DCLRE1C: variants seen among roughly 807,000 people sequenced by gnomAD.
DCLRE1C encodes the protein DNA cross-link repair 1C.
Under a neutral mutation model 61.4 loss-of-function variants are expected in DCLRE1C, and 47 were observed. That is an observed-to-expected ratio of 0.77 (90% confidence interval 0.61 to 0.98). The LOEUF is 0.98. DCLRE1C is among the 50% of genes least tolerant of loss of function. The probability of loss-of-function intolerance (pLI) is 0.00; values close to 1 mark genes in which losing one functional copy is unlikely to be tolerated. For synonymous variants in DCLRE1C, 337 were observed against 287.6 expected (o/e 1.17, Z -1.74); for missense variants, 858 against 816.0 (o/e 1.05, Z -0.63).
chr10:14,909,102 T>A lies in DCLRE1C; in HGVS notation c.1385A>T (p.Glu462Val), dbSNP rs115250914. The A allele has an allele frequency of 1.1e-4, 176 of 1,613,720 alleles. No individual in the cohort carries two copies. In the East Asian group the frequency reaches 1.7e-3, roughly 15 times the overall value. Residue 462 changes from glutamate to valine, a missense_variant, in exon 14 of 14, where the codon GAA (glutamate) becomes GTA (valine). Coordinates refer to ENST00000378278, the MANE Select transcript of DCLRE1C (RefSeq NM_001033855.3). Reference protein sequence around the residue: ...CEESNSESEEEVGIPASLQGD... With the variant: ...CEESNSESEEVVGIPASLQGD... ...TTGCAGTGAAGCTGGGATTCCTACT[T>A]CTTCTTCACTTTCACTGTTGGATTC...
chr10:14,915,598 C>G (rs766897768), intron 13 of DCLRE1C, among the ~76,000 whole-genome samples: 2 of 151,336 alleles, frequency 1.3e-5, no homozygotes, highest in Non-Finnish European at 2.9e-5. Context: ...AAAAAATAAC[C>G]TGAATAGTCC....
chr10:14,899,120 G>A (rs1488798754), exon 14 of DCLRE1C: 4 of 656,620 alleles, frequency 6.1e-6, no homozygotes, highest in Non-Finnish European at 1.1e-5. Context: ...AGGAGTTCCA[G>A]ACCAGTGTGG....
chr10:14,904,203 G>A (rs775828475), downstream of DCLRE1C: 1 of 152,036 alleles, frequency 6.6e-6, no homozygotes, highest in African/African-American at 2.4e-5. Flanking sequence ...TACTCAGGAG[G>A]CTGAGGCAGG....
chr10:14,900,027 G>A (rs1360091600), downstream of DCLRE1C, among the ~76,000 whole-genome samples: 1 of 152,174 alleles, frequency 6.6e-6, no homozygotes, highest in Admixed American at 6.5e-5. Context: ...ACACAGAACT[G>A]TATCTTAATG....
At chr10:14,920,526 C>T in intron 12 of DCLRE1C, 1 of 526,188 alleles carries the variant, frequency 1.9e-6, no homozygotes, top group Non-Finnish European at 2.4e-6. Flanking sequence ...CGTCCTCACC[C>T]CTGTTCCCAC....
chr10:14,899,303 G>C, exon 14 of DCLRE1C: 1 of 697,924 alleles, frequency 1.4e-6, no homozygotes, highest in Non-Finnish European at 2.6e-6. Flanking sequence ...CTGAGTGACA[G>C]AGTGAGACCC....
chr10:14,912,248 T>C (rs1835378871), intron 13 of DCLRE1C, among the ~76,000 whole-genome samples: 1 of 152,026 alleles, frequency 6.6e-6, no homozygotes, highest in African/African-American at 2.4e-5. Context: ...CAGAGACAAG[T>C]TTTCACCATG....
At chr10:14,933,056 C>T in intron 8 of DCLRE1C, 101 bp from the exon 9 acceptor site, 3 of 1,306,128 alleles carry the variant, frequency 2.3e-6, no homozygotes, top group Non-Finnish European at 3.3e-6. Flanking sequence ...AGTGAATTAA[C>T]CCTCTCTTCT....
intron 1 of DCLRE1C, 22 bp downstream of exon 1, chr10:14,953,880 G>T (rs1435812481): frequency 2.5e-6 from 4 of 1,613,462 alleles, no homozygotes; most frequent in Non-Finnish European, 3.4e-6. Flanking sequence ...CCGGGAGCGG[G>T]CGACGCGCAG....
In DCLRE1C at chr10:14,935,499, T is replaced by G. The variant is rs533299054; in HGVS notation, c.428A>C (p.Glu143Ala). 13 of 1,614,058 alleles carry G rather than the reference T, an allele frequency of 8.1e-6. No individual in the cohort carries two copies. The East Asian group carries it at 2.7e-4, about 33-fold the overall frequency. ...GTGCAGAAGCTCCATTCTAGCAGCT[T>G]CTCCTTGCGCCAATCTGAAGTCTCC... is the stretch of plus-strand genomic sequence containing the variant. The part of the protein sequence containing the change: ...YTGDFRLAQG[E>A]AARMELLHSG... The change falls in exon 6 of 14, where the codon GAA becomes GCA. Residue 143 changes from glutamate (E) to alanine (A), a missense_variant. Glu to Ala is a moderately radical substitution (Grantham distance 107). Coordinates refer to ENST00000378278, the MANE Select transcript of DCLRE1C (RefSeq NM_001033855.3).
At chr10:14,913,319 G>T (rs544215013) in intron 13 of DCLRE1C, among the ~76,000 whole-genome samples, 2 of 152,232 alleles carry the variant, frequency 1.3e-5, no homozygotes, top group African/African-American at 4.8e-5. Flanking sequence ...AGATAGTGGG[G>T]ATGATTGTAC....
Position 14,908,362 on chromosome 10 carries a change from G to T in DCLRE1C, c.*46C>A, listed in dbSNP as rs1411636920. On this transcript the variant is annotated 3_prime_UTR_variant, in exon 14 of 14. Coordinates refer to ENST00000378278, the MANE Select transcript of DCLRE1C (RefSeq NM_001033855.3). The stretch of plus-strand genomic sequence containing the variant: ...TATTGTAATATTGACTGTCATCTCT[G>T]TGCAGGTTTTTTAGTGGTTGCTCTA... 2.2e-6 allele frequency: 3 copies of T among 1,391,694 alleles called. No homozygotes were observed. The highest frequency in any genetic ancestry group is 2.9e-5 in the African/African-American group (2 of 70,172). The allele number at this position is 1,391,694 out of a possible 1,614,324, so 86.2% of individuals were successfully genotyped here.
intron 4 of DCLRE1C, 142 bp downstream of exon 4, chr10:14,939,668 T>C: frequency 4.2e-6 from 3 of 722,168 alleles, no homozygotes; most frequent in South Asian, 3.8e-5. Context: ...TATTTATGGT[T>C]AAATGAGCAT....
At chr10:14,923,821 T>C (rs1362755018) in intron 11 of DCLRE1C, 1 of 152,454 alleles carries the variant, frequency 6.6e-6, no homozygotes, top group Non-Finnish European at 1.5e-5. Context: ...TACCTTGGTG[T>C]TGGAGTCACC....
At chr10:14,911,558 G>C (rs1835263113) in intron 13 of DCLRE1C, among the ~76,000 whole-genome samples, 1 of 152,182 alleles carries the variant, frequency 6.6e-6, no homozygotes, top group South Asian at 2.1e-4. Context: ...CAATTTTCAT[G>C]ATCTTGGATC....
rs919430384 is a variant in DCLRE1C, at chr10:14,907,224, G to A, written c.*1184C>T. ...AATTTGGCCACCGTATTCACATCAA[G>A]GTTAAGTGACTTAACATCTTTGGGG... On this transcript the variant is annotated 3_prime_UTR_variant, in exon 14 of 14. Coordinates refer to ENST00000378278, the MANE Select transcript of DCLRE1C (RefSeq NM_001033855.3). Among the ~76,000 whole-genome samples, 1 of 151,016 alleles carries A rather than the reference G, an allele frequency of 6.6e-6. No individual in the cohort carries two copies. The highest frequency in any genetic ancestry group is 1.5e-5 in the Non-Finnish European group (1 of 67,856).
intron 11 of DCLRE1C, 198 bp from the exon 12 acceptor site, chr10:14,923,267 G>T: frequency 1.7e-6 from 1 of 578,516 alleles, no homozygotes; most frequent in East Asian, 3.1e-5. Context: ...AAGATCTCCT[G>T]AACACTGAGT....
chr10:14,927,309 C>T (rs777086573), intron 10 of DCLRE1C, among the ~76,000 whole-genome samples: 8 of 141,362 alleles, frequency 5.7e-5, no homozygotes, highest in Non-Finnish European at 9.2e-5. Flanking sequence ...TCACTTGAAC[C>T]GGGAGGCAGA....
Position 14,908,349 on chromosome 10 carries a change from G to A in DCLRE1C, c.*59C>T. The A allele has an allele frequency of 7.7e-7, 1 of 1,290,470 alleles. No homozygotes were observed. Among genetic ancestry groups the A allele is most frequent in the Non-Finnish European group, 1.1e-6 (1 of 891,576 alleles). The allele number at this position is 1,290,470 out of a possible 1,614,324, so 79.9% of individuals were successfully genotyped here. A position where few individuals can be genotyped will look rare whatever the true frequency, so the allele number is the denominator to read the frequency against. On this transcript the variant is annotated 3_prime_UTR_variant, in exon 14 of 14. Transcript: ENST00000378278. ...ACTGTATTTTCTCTATTGTAATATT[G>A]ACTGTCATCTCTGTGCAGGTTTTTT...
Sources: gnomAD v4.1 joint callset for allele counts (sites outside exome capture counted in the v4.1 genomes callset) on GRCh38, gnomAD v4.1.1 for gene constraint, MANE v1.5 for transcripts, NCBI Gene and HGNC (gene_info 2026-07-23, HGNC 2026-07-21) for gene names.